Variants in SIM1 observed in about 807,000 individuals in gnomAD.
SIM1 encodes SIM bHLH transcription factor 1.
Under a neutral mutation model 78.2 loss-of-function variants are expected in SIM1, and 18 were observed. That is an observed-to-expected ratio of 0.23 (90% CI 0.16 to 0.34). The LOEUF (loss-of-function observed/expected upper bound fraction) is 0.34. Ranked by LOEUF, SIM1 falls within the 10% of genes least tolerant of loss-of-function variation. The pLI, the probability that SIM1 is intolerant of heterozygous loss-of-function variation, is 1.00. For missense variants in SIM1, 939 were observed against 975.1 expected (o/e 0.96, Z 0.49); for synonymous variants, 417 against 385.2 (o/e 1.08, Z -0.97).
intron 6 of SIM1, 62 bp downstream of exon 6, chr6:100,449,301 C>T (rs923522024): frequency 7.8e-6 from 11 of 1,403,138 alleles, no homozygotes; most frequent in Non-Finnish European, 1.1e-5. Context: ...CCTCCCACGC[C>T]GCACGCGCCT....
rs1770688244 is a variant in SIM1 at position 100,393,380 on chromosome 6, T to C, written c.1570+107A>G. ...TTTTAATCCCATTGGTTCTGATTTG[T>C]AAATCAAAGAAGATAACTATTTGGT... On this transcript the variant is annotated intron_variant, in intron 11 of 11. Coordinates refer to ENST00000369208, the MANE Select transcript of SIM1 (RefSeq NM_005068.3). 5 of 1,032,770 alleles carry C rather than the reference T, an allele frequency of 4.8e-6. No homozygotes were observed. The South Asian group carries it at 1.5e-4, about 32-fold the overall frequency. The allele number at this position is 1,032,770 out of a possible 1,614,324, so 64.0% of individuals were successfully genotyped here.
At chr6:100,437,183 G>A (rs1362523959) in intron 9 of SIM1, 1 of 152,160 alleles carries the variant, frequency 6.6e-6, no homozygotes, top group Non-Finnish European at 1.5e-5. Context: ...CATGTCACAG[G>A]ATAAAATATT....
Position 100,448,470 on chromosome 6 carries a change from C to G in SIM1, c.743+9G>C. 6.2e-7 allele frequency: 1 copy of G among 1,612,726 alleles called. No homozygotes were observed. ...CTAGGAGAGGCCCTTTCCGGCCCTGCCCACCCACCTGGAGTCCAGAAAGAT... is the reference window on the plus strand; with the variant it reads ...CTAGGAGAGGCCCTTTCCGGCCCTGGCCACCCACCTGGAGTCCAGAAAGAT... On this transcript the variant is annotated intron_variant, in intron 7 of 11. Coordinates refer to ENST00000369208, the MANE Select transcript of SIM1 (RefSeq NM_005068.3).
chr6:100,394,703 C>T (rs1279452040), intron 10 of SIM1, among the ~76,000 whole-genome samples: 2 of 152,144 alleles, frequency 1.3e-5, no homozygotes, highest in Non-Finnish European at 2.9e-5. Flanking sequence ...CAACACCTAG[C>T]CTACATTTTT....
At chr6:100,456,660 A>C (rs574970242) in intron 2 of SIM1, among the ~76,000 whole-genome samples, 1 of 152,096 alleles carries the variant, frequency 6.6e-6, no homozygotes, top group East Asian at 1.9e-4. Context: ...TTAGCTGATA[A>C]ATTTTGCTTC....
At chr6:100,453,951 A>G (rs1222218263) in intron 2 of SIM1, 107 bp from the exon 3 acceptor site, 1 of 704,202 alleles carries the variant, frequency 1.4e-6, no homozygotes, top group Non-Finnish European at 2.3e-6. Context: ...CTTTGACTGG[A>G]TACCATAGGG....
chr6:100,429,863 T>C (rs1771856436), intron 9 of SIM1, among the ~76,000 whole-genome samples: 1 of 152,212 alleles, frequency 6.6e-6, no homozygotes, highest in Non-Finnish European at 1.5e-5. Flanking sequence ...ACTAGCAAAT[T>C]TCTTTTCTCA....
Position 100,390,082 on chromosome 6 carries a change from A to G in SIM1, c.*279T>C. The G allele has an allele frequency of 2.0e-6, 1 of 506,390 alleles. No homozygotes were observed. The highest frequency in any genetic ancestry group is 3.5e-6 in the Non-Finnish European group (1 of 287,050). The allele number at this position is 506,390 out of a possible 1,614,324, so 31.4% of individuals were successfully genotyped here. A position where few individuals can be genotyped will look rare whatever the true frequency, so the allele number is the denominator to read the frequency against. ...GTCCTCTCATGTAGTATATATGCAC[A>G]CTTGATCTACATGAATATTTTTCAA... On this transcript the variant is annotated 3_prime_UTR_variant, in exon 12 of 12. Coordinates refer to ENST00000369208, the MANE Select transcript of SIM1 (RefSeq NM_005068.3).
In SIM1 at chr6:100,388,917, T is replaced by C. The variant is rs967201652; in HGVS notation, c.*1444A>G. 1 of 152,228 alleles carries C rather than the reference T, an allele frequency of 6.6e-6. No homozygotes were observed. Among genetic ancestry groups the C allele is most frequent in the Non-Finnish European group, 1.5e-5 (1 of 68,036 alleles). 9.4% of individuals were successfully genotyped at this position (152,228 alleles called of 1,614,324 possible). A position where few individuals can be genotyped will look rare whatever the true frequency, so the allele number is the denominator to read the frequency against. On this transcript the variant is annotated 3_prime_UTR_variant, in exon 12 of 12. Coordinates refer to ENST00000369208, the MANE Select transcript of SIM1 (RefSeq NM_005068.3). ...ACCTGCCTAAAGGAGCCCACACACC[T>C]GCTTAAGTCACAAAGCATCTAAACT...
Position 100,393,584 on chromosome 6 carries a change from GC to G in SIM1, c.1472del (p.Gly491AlafsTer8). ...TTGTCAGGGGCAAGGCTGCGCGAGAGCCCCACCAGGGCTCCCTCCCGGCCTG... is the reference window on the plus strand; with the variant it reads ...TTGTCAGGGGCAAGGCTGCGCGAGAGCCCACCAGGGCTCCCTCCCGGCCTG... ...TPQAGREPWW[G>X]SRAALPLTKA... On this transcript the variant is annotated frameshift_variant, in exon 11 of 12. Coordinates refer to ENST00000369208, the MANE Select transcript of SIM1 (RefSeq NM_005068.3). LOFTEE classifies it high-confidence loss of function. 1 of 1,613,646 alleles carries G rather than the reference GC, an allele frequency of 6.2e-7. No homozygotes were observed. Among genetic ancestry groups the G allele is most frequent in the Non-Finnish European group, 8.5e-7 (1 of 1,179,586 alleles).
At chr6:100,450,743 GA>G (rs1415906243) in intron 3 of SIM1, among the ~76,000 whole-genome samples, 1 of 145,418 alleles carries the variant, frequency 6.9e-6, no homozygotes, top group Non-Finnish European at 1.5e-5. Context: ...GTTCTAGGGG[GA>G]AAAATCACAG....
rs143803280 is a variant in SIM1 at position 100,390,370 on chromosome 6, G to T, written c.2292C>A (p.Asn764Lys). The T allele has an allele frequency of 2.5e-6, 4 of 1,611,194 alleles. No homozygotes were observed. The highest frequency in any genetic ancestry group is 3.4e-6 in the Non-Finnish European group (4 of 1,178,590). Residue 764 changes from asparagine (N) to lysine (K), a missense_variant, in exon 12 of 12, where the codon AAC (asparagine) becomes AAA (lysine). By Grantham distance (94) the Asn-to-Lys change is moderately conservative. Transcript: ENST00000369208. ...GHKGTSVIIT[N>K]GS is the part of the protein sequence containing the mutation. Reference sequence around the variant, plus strand: ...ATATTTCAGCAAAACATCAGCTTCCGTTGGTTATTATAACAGATGTTCCCT... The same window carrying T: ...ATATTTCAGCAAAACATCAGCTTCCTTTGGTTATTATAACAGATGTTCCCT...
rs1317173688 is a variant in SIM1 at position 100,450,694 on chromosome 6, TCTCACACACA to T, written c.259-348_259-339del. 7.0e-3 allele frequency among the ~76,000 whole-genome samples: 649 copies of T among 93,310 alleles called. 8 individuals carry two copies. In the South Asian group the frequency reaches 0.079, roughly 11 times the overall value. 61.2% of individuals were successfully genotyped at this position (93,310 alleles called of 152,430 possible). A position where few individuals can be genotyped will look rare whatever the true frequency, so the allele number is the denominator to read the frequency against. Reference sequence around the variant, plus strand: ...CTCTCTCTCTCTCTCTCTCTCTCTCTCTCACACACACACACACACACACACACACACACAC... The same window carrying T: ...CTCTCTCTCTCTCTCTCTCTCTCTCTCACACACACACACACACACACACAC... On this transcript the variant is annotated intron_variant, in intron 3 of 11. Transcript: ENST00000369208.
chr6:100,450,686 TCTCTCTCTCTCACA>T (rs1772488056), intron 3 of SIM1, among the ~76,000 whole-genome samples: 1 of 94,456 alleles, frequency 1.1e-5, no homozygotes, highest in Admixed American at 1.1e-4. Context: ...TCTCTCTCTC[TCTCTCTCTCTCACA>T]CACACACACA....
chr6:100,401,072 A>T (rs538053785), intron 10 of SIM1, among the ~76,000 whole-genome samples: 25 of 152,148 alleles, frequency 1.6e-4, no homozygotes, highest in Non-Finnish European at 3.1e-4. Flanking sequence ...ACAGATGGAC[A>T]TCATGTGCCT....
Position 100,386,184 on chromosome 6 carries a change from T to G in SIM1, c.*4177A>C, listed in dbSNP as rs936158937. 1.3e-5 allele frequency: 2 copies of G among 152,058 alleles called. No individual in the cohort carries two copies. The highest frequency in any genetic ancestry group is 4.8e-5 in the African/African-American group (2 of 41,448). 9.4% of individuals were successfully genotyped at this position (152,058 alleles called of 1,614,324 possible). A position where few individuals can be genotyped will look rare whatever the true frequency, so the allele number is the denominator to read the frequency against. ...ACAGGATGTATGTCAACATCTATGA[T>G]TTGAGTGAACTAGGGAACCAAATCT... On this transcript the variant is annotated 3_prime_UTR_variant, in exon 12 of 12. Coordinates refer to ENST00000369208, the MANE Select transcript of SIM1 (RefSeq NM_005068.3).
intron 10 of SIM1, among the ~76,000 whole-genome samples, chr6:100,420,561 C>G (rs1288044290): frequency 6.6e-6 from 1 of 152,148 alleles, no homozygotes; most frequent in Non-Finnish European, 1.5e-5. Context: ...TGACAACAAC[C>G]AGACTCTCAT....
intron 9 of SIM1, among the ~76,000 whole-genome samples, chr6:100,436,430 C>A (rs1465121624): frequency 2.0e-5 from 3 of 152,218 alleles, no homozygotes; most frequent in Non-Finnish European, 2.9e-5. Context: ...TTGCTGATTT[C>A]TTGTTCTTGG....
At chr6:100,419,893 G>A (rs186462447) in intron 10 of SIM1, among the ~76,000 whole-genome samples, 1 of 152,168 alleles carries the variant, frequency 6.6e-6, no homozygotes, top group African/African-American at 2.4e-5. Flanking sequence ...CCCCCACCTC[G>A]ACCTCCCAAA....
Sources: allele counts gnomAD v4.1 joint callset (sites outside exome capture counted in the v4.1 genomes callset), GRCh38; gene constraint gnomAD v4.1.1; transcripts MANE v1.5; gene names NCBI Gene and HGNC (gene_info 2026-07-23, HGNC 2026-07-21).